RAB11FIP3: variants seen among roughly 807,000 people sequenced by gnomAD.
RAB11FIP3 encodes rab11 family-interacting protein 3.
A neutral mutation model predicts 77.8 loss-of-function variants in RAB11FIP3; 17 were observed. The ratio of observed to expected loss-of-function variants is 0.22; its 90% CI spans 0.15 to 0.33. The LOEUF (loss-of-function observed/expected upper bound fraction) is 0.33. RAB11FIP3 is among the 10% of genes least tolerant of loss of function. RAB11FIP3 has a pLI of 1.00. For synonymous variants in RAB11FIP3, 437 were observed against 448.2 expected (o/e 0.98, Z 0.31); for missense variants, 1,005 against 1,011.2 (o/e 0.99, Z 0.08).
rs370565676 is a variant in RAB11FIP3 at position 460,776 on chromosome 16, C to T, written c.715-628C>T. Reference sequence around the variant, plus strand: ...TAAAACTTCAGAACTGATCTCCCCACGTAAGACCCTGGCTGCTGGCGTTCA... The same window carrying T: ...TAAAACTTCAGAACTGATCTCCCCATGTAAGACCCTGGCTGCTGGCGTTCA... On this transcript the variant is annotated intron_variant, in intron 1 of 13. Transcript: ENST00000262305. Among the ~76,000 whole-genome samples the T allele has an allele frequency of 2.9e-4, 44 of 152,004 alleles. 1 individual carries two copies. The highest frequency in any genetic ancestry group is 7.8e-4 in the African/African-American group (32 of 41,274).
intron 1 of RAB11FIP3, among the ~76,000 whole-genome samples, chr16:455,068 A>C (rs2055478835): frequency 6.7e-6 from 1 of 148,892 alleles, no homozygotes. Context: ...AAACAAAAAA[A>C]CTAGGCTTTC....
chr16:518,582 G>A (rs1318802155), intron 9 of RAB11FIP3, among the ~76,000 whole-genome samples: 10 of 149,914 alleles, frequency 6.7e-5, no homozygotes, highest in African/African-American at 1.3e-4. Context: ...AAAATTAGCC[G>A]GGCGTGGTGG....
chr16:476,743 C>T (rs2055916307), intron 3 of RAB11FIP3, among the ~76,000 whole-genome samples: 1 of 149,612 alleles, frequency 6.7e-6, no homozygotes, highest in Non-Finnish European at 1.5e-5. Context: ...CGCCACTGCA[C>T]TCCAGCCTGG....
chr16:461,539 CCTCAGCCACCCT>C lies in RAB11FIP3; in HGVS notation c.808+53_808+64del, dbSNP rs760933207. ...ATGAGCTCCCACCTCCTCTCCCGTT[CCTCAGCCACCCT>C]CTCAGCCACCTGCACATCACCAGGC... is the stretch of plus-strand genomic sequence containing the variant. On this transcript the variant is annotated intron_variant, in intron 2 of 13. Coordinates refer to ENST00000262305, the MANE Select transcript of RAB11FIP3 (RefSeq NM_014700.4). This position sits in a 1 kb window ranked among gnomAD's most constrained non-coding sequence, Gnocchi z 4.5. 1.5e-5 allele frequency: 22 copies of C among 1,511,380 alleles called. No individual in the cohort carries two copies. In the Admixed American group the frequency reaches 2.7e-4, roughly 18 times the overall value. 93.6% of individuals were successfully genotyped at this position (1,511,380 alleles called of 1,614,324 possible). A position where few individuals can be genotyped will look rare whatever the true frequency, so the allele number is the denominator to read the frequency against.
intron 1 of RAB11FIP3, among the ~76,000 whole-genome samples, chr16:442,708 G>C (rs1034163621): frequency 1.3e-5 from 2 of 152,130 alleles, no homozygotes; most frequent in Non-Finnish European, 2.9e-5. Flanking sequence ...TTGTGTCTTC[G>C]TGGGCAGGAG....
In RAB11FIP3 at chr16:514,370, G is replaced by A. The variant is rs1035755077; in HGVS notation, c.1640+3570G>A. Among the ~76,000 whole-genome samples, 13 of 152,350 alleles carry A rather than the reference G, an allele frequency of 8.5e-5. No individual in the cohort carries two copies. The highest frequency in any genetic ancestry group is 1.9e-4 in the African/African-American group (8 of 41,588). ...CAGTGCAAAGACACTGTCTCAGTCC[G>A]GGGTCCTCAGGAGCAGAGGATCTGG... On this transcript the variant is annotated intron_variant, in intron 9 of 13. Coordinates refer to ENST00000262305, the MANE Select transcript of RAB11FIP3 (RefSeq NM_014700.4). This position sits in a 1 kb window ranked among gnomAD's most constrained non-coding sequence, Gnocchi z 4.6.
intron 5 of RAB11FIP3, among the ~76,000 whole-genome samples, chr16:494,947 G>T (rs1169994029): frequency 6.8e-6 from 1 of 146,160 alleles, no homozygotes; most frequent in East Asian, 2.0e-4. Context: ...GATCACATGA[G>T]CCGGGGAGGT....
At chr16:466,813 C>T (rs1427314321) in intron 2 of RAB11FIP3, among the ~76,000 whole-genome samples, 1 of 152,218 alleles carries the variant, frequency 6.6e-6, no homozygotes, top group Non-Finnish European at 1.5e-5. Flanking sequence ...CCCCGTTCTC[C>T]TTCCCAGCAG....
At chr16:483,617 CTG>C (rs1413345873) in intron 4 of RAB11FIP3, among the ~76,000 whole-genome samples, 1 of 152,154 alleles carries the variant, frequency 6.6e-6, no homozygotes, top group Non-Finnish European at 1.5e-5. Context: ...CTCTACAGGA[CTG>C]TGTCTTGTGG....
intron 9 of RAB11FIP3, among the ~76,000 whole-genome samples, chr16:511,103 C>T: frequency 9.4e-6 from 1 of 106,764 alleles, no homozygotes; most frequent in Non-Finnish European, 1.9e-5. Context: ...AGGAGAAGTT[C>T]CCCGACGGCC....
In RAB11FIP3 at chr16:472,324, C is replaced by T. The variant is rs530175980; in HGVS notation, c.903+935C>T. On this transcript the variant is annotated intron_variant, in intron 3 of 13. Transcript: ENST00000262305. The surrounding 1 kb of genome is among the most constrained non-coding windows in gnomAD (Gnocchi z 4.1). ...CCCTGGGGGTGGTTCTGCCTTACGGCGGTGTCCCAGTTATCAGCTGGGCTG... is the reference window on the plus strand; with the variant it reads ...CCCTGGGGGTGGTTCTGCCTTACGGTGGTGTCCCAGTTATCAGCTGGGCTG... 6.6e-4 allele frequency among the ~76,000 whole-genome samples: 100 copies of T among 152,338 alleles called. No homozygotes were observed. The highest frequency in any genetic ancestry group is 2.3e-3 in the African/African-American group (96 of 41,578).
intron 1 of RAB11FIP3, among the ~76,000 whole-genome samples, chr16:433,774 T>G (rs569850836): frequency 1.6e-4 from 24 of 149,910 alleles, no homozygotes; most frequent in African/African-American, 5.9e-4. Flanking sequence ...GAGAATGGCG[T>G]GAACCTGGGA....
intron 1 of RAB11FIP3, among the ~76,000 whole-genome samples, chr16:442,922 C>T (rs1165482538): frequency 3.3e-5 from 5 of 152,098 alleles, no homozygotes; most frequent in South Asian, 2.1e-4. Flanking sequence ...ATTCCAACAT[C>T]GGGTGGGTTG....
chr16:509,077 T>TA (rs1207508652), intron 8 of RAB11FIP3, among the ~76,000 whole-genome samples: 12 of 152,192 alleles, frequency 7.9e-5, no homozygotes, highest in Non-Finnish European at 1.3e-4. Flanking sequence ...CTAATTTTTG[T>TA]ATTTTTAGTA....
rs1284101900 is a variant in RAB11FIP3 at position 505,483 on chromosome 16, C to T, written c.1396-41C>T. 2 of 1,546,960 alleles carry T rather than the reference C, an allele frequency of 1.3e-6. No individual in the cohort carries two copies. The highest frequency in any genetic ancestry group is 8.8e-7 in the Non-Finnish European group (1 of 1,139,480). ...TCCCTTGGGGGTGCAGGCCCTTCTG[C>T]TTCTGGCTGCCTGACCCTGAAGCCT... On this transcript the variant is annotated intron_variant, in intron 7 of 13. Transcript: ENST00000262305. The surrounding 1 kb of genome is among the most constrained non-coding windows in gnomAD (Gnocchi z 4.0).
At chr16:467,181 T>G (rs1236926401) in intron 2 of RAB11FIP3, among the ~76,000 whole-genome samples, 2 of 152,116 alleles carry the variant, frequency 1.3e-5, no homozygotes, top group Non-Finnish European at 2.9e-5. Flanking sequence ...CCTGAGAACG[T>G]CTGGGATGGG....
intron 8 of RAB11FIP3, among the ~76,000 whole-genome samples, chr16:508,764 C>T (rs977118602): frequency 6.6e-6 from 1 of 152,230 alleles, no homozygotes; most frequent in African/African-American, 2.4e-5. Context: ...TCCCTCTCAT[C>T]TGTCTGAACA....
rs1247059161 is a variant in RAB11FIP3 at position 506,224 on chromosome 16, G to A, written c.1499+597G>A. Among the ~76,000 whole-genome samples the A allele has an allele frequency of 6.6e-6, 1 of 152,068 alleles. No individual in the cohort carries two copies. Among genetic ancestry groups the A allele is most frequent in the Non-Finnish European group, 1.5e-5 (1 of 68,004 alleles). On this transcript the variant is annotated intron_variant, in intron 8 of 13. Coordinates refer to ENST00000262305, the MANE Select transcript of RAB11FIP3 (RefSeq NM_014700.4). This position sits in a 1 kb window ranked among gnomAD's most constrained non-coding sequence, Gnocchi z 4.5. ...TTTCTTAGAATACCGTGTAATTCTC[G>A]GTGTTTTTCACACGAGGCACGCCAT... is the stretch of plus-strand genomic sequence containing the variant.
chr16:502,358 G>A (rs2031582264), intron 6 of RAB11FIP3, among the ~76,000 whole-genome samples: 3 of 152,254 alleles, frequency 2.0e-5, no homozygotes, highest in Non-Finnish European at 2.9e-5. Context: ...CCTGGCCCGG[G>A]TAGTAACTGG....
Sources: allele counts gnomAD v4.1 joint callset (sites outside exome capture counted in the v4.1 genomes callset), GRCh38; gene constraint gnomAD v4.1.1; non-coding constraint Gnocchi (gnomAD v3.1); transcripts MANE v1.5; gene names NCBI Gene and HGNC (gene_info 2026-07-23, HGNC 2026-07-21).